The following SAMD12 variants were observed in gnomAD, a reference collection of about 807,000 sequenced individuals.
The protein encoded by SAMD12 is sterile alpha motif domain containing 12.
A neutral mutation model predicts 15.0 loss-of-function variants in SAMD12; 9 were observed. That is an observed-to-expected ratio of 0.60 (90% CI 0.36 to 1.05). The LOEUF is 1.05. SAMD12 is among the 50% of genes least tolerant of loss of function. The pLI is 0.01. For missense variants in SAMD12, 230 were observed against 234.2 expected, an observed-to-expected ratio of 0.98 and a Z score of 0.12; for synonymous variants, 86 against 90.1, an observed-to-expected ratio of 0.96 and a Z score of 0.25.
At chr8:118,551,952 A>G (rs1056903174) in intron 2 of SAMD12, among the ~76,000 whole-genome samples, 2 of 151,380 alleles carry the variant, frequency 1.3e-5, no homozygotes, top group African/African-American at 4.9e-5. Context: ...TCCTCGACAC[A>G]TACACTCTCC....
At chr8:118,441,108 G>GT (rs1554664100) in intron 2 of SAMD12, among the ~76,000 whole-genome samples, 3 of 151,986 alleles carry the variant, frequency 2.0e-5, no homozygotes, top group Non-Finnish European at 4.4e-5. Flanking sequence ...GCTGACATGT[G>GT]TGTTGTTGTT....
intron 2 of SAMD12, among the ~76,000 whole-genome samples, chr8:118,508,817 G>A (rs1187443765): frequency 1.3e-5 from 2 of 152,106 alleles, no homozygotes; most frequent in Admixed American, 6.6e-5. Flanking sequence ...GGATGAATGC[G>A]TTTTCTCAAC....
chr8:118,284,935 C>G (rs1813882982), intron 4 of SAMD12: 2 of 135,084 alleles, frequency 1.5e-5, no homozygotes, highest in African/African-American at 6.0e-5. Flanking sequence ...CAGCAAGACT[C>G]CGTCTCAAAA....
At chr8:118,289,895 T>G (rs1234890498) in intron 4 of SAMD12, among the ~76,000 whole-genome samples, 1 of 152,210 alleles carries the variant, frequency 6.6e-6, no homozygotes, top group Non-Finnish European at 1.5e-5. Context: ...CAAATGTAAC[T>G]AGATCAGAAA....
At chr8:118,597,135 G>A (rs1322086660) in intron 1 of SAMD12, among the ~76,000 whole-genome samples, 2 of 152,088 alleles carry the variant, frequency 1.3e-5, no homozygotes, top group Non-Finnish European at 2.9e-5. Context: ...AGGGTGGCAG[G>A]CTCCAGATCT....
intron 2 of SAMD12, among the ~76,000 whole-genome samples, chr8:118,511,134 G>A (rs1043170944): frequency 6.6e-6 from 1 of 152,116 alleles, no homozygotes; most frequent in Non-Finnish European, 1.5e-5. Context: ...GGATGTCAGT[G>A]CAATATATTC....
At chr8:118,177,427 A>G in the SAMD12 span, among the ~76,000 whole-genome samples, 6 of 151,652 alleles carry the variant, frequency 4.0e-5, no homozygotes, top group Admixed American at 3.9e-4. Context: ...AATCTTTTGT[A>G]GAGACAGGGT....
intron 2 of SAMD12, among the ~76,000 whole-genome samples, chr8:118,475,008 G>A (rs770811535): frequency 1.3e-5 from 2 of 152,130 alleles, no homozygotes; most frequent in Admixed American, 6.5e-5. Flanking sequence ...GGAGGCTGAG[G>A]TGGGCGGATC....
intron 2 of SAMD12, among the ~76,000 whole-genome samples, chr8:118,554,499 C>G (rs1826459645): frequency 7.2e-6 from 1 of 139,206 alleles, no homozygotes; most frequent in African/African-American, 2.8e-5. Context: ...CACATGGACA[C>G]AGGAAGGGGA....
At chr8:118,300,902 T>A (rs2130326492) in intron 4 of SAMD12, among the ~76,000 whole-genome samples, 1 of 152,350 alleles carries the variant, frequency 6.6e-6, no homozygotes, top group African/African-American at 2.4e-5. Context: ...AAACACATCT[T>A]ACCTATTTTA....
At chr8:118,409,367 C>A (rs1401946846) in intron 3 of SAMD12, among the ~76,000 whole-genome samples, 1 of 150,178 alleles carries the variant, frequency 6.7e-6, no homozygotes, top group African/African-American at 2.5e-5. Flanking sequence ...ATACTGAGTA[C>A]CTACTTGTGT....
intron 4 of SAMD12, among the ~76,000 whole-genome samples, chr8:118,206,617 T>C (rs1451116809): frequency 6.6e-6 from 1 of 152,234 alleles, no homozygotes; most frequent in Non-Finnish European, 1.5e-5. Context: ...ATTACACATA[T>C]TGTTACATAG....
At chr8:118,587,078 C>T (rs1199273335) in intron 1 of SAMD12, among the ~76,000 whole-genome samples, 2 of 152,202 alleles carry the variant, frequency 1.3e-5, no homozygotes, top group African/African-American at 4.8e-5. Flanking sequence ...GTTGTACATA[C>T]TCAACCCTCA....
chr8:118,341,190 C>T (rs970985525), intron 4 of SAMD12, among the ~76,000 whole-genome samples: 1 of 152,146 alleles, frequency 6.6e-6, no homozygotes, highest in African/African-American at 2.4e-5. Context: ...TTGGTCTTCT[C>T]ACAGCATGGT....
intron 2 of SAMD12, among the ~76,000 whole-genome samples, chr8:118,565,122 G>A (rs1826811035): frequency 6.6e-6 from 1 of 152,156 alleles, no homozygotes; most frequent in Non-Finnish European, 1.5e-5. Context: ...CTGGTGAAAA[G>A]CAAATATACC....
At chr8:118,318,287 A>T (rs1816022174) in intron 4 of SAMD12, among the ~76,000 whole-genome samples, 2 of 141,364 alleles carry the variant, frequency 1.4e-5, no homozygotes, top group South Asian at 4.4e-4. Flanking sequence ...TGAGTAGATT[A>T]AAAAAATATG....
chr8:118,401,910 G>A (rs927039794), intron 3 of SAMD12, among the ~76,000 whole-genome samples: 2 of 152,028 alleles, frequency 1.3e-5, no homozygotes, highest in African/African-American at 4.8e-5. Flanking sequence ...GTATCCACAC[G>A]ATTTTCAATC....
chr8:118,135,748 G>T, the SAMD12 span, among the ~76,000 whole-genome samples: 3 of 151,936 alleles, frequency 2.0e-5, no homozygotes, highest in South Asian at 6.2e-4. Context: ...TTGCCATGTT[G>T]CCCAGGCTGG....
In SAMD12 at chr8:118,356,741, C is replaced by G. The variant is rs139699765; in HGVS notation, c.433+22819G>C. ...TGGGTGTTTCAAAGGGACCTCAAAC[C>G]TCACATGTCTCAAACTGACCTCTCT... On this transcript the variant is annotated intron_variant, in intron 4 of 4. Transcript: ENST00000409003. Among the ~76,000 whole-genome samples, 761 of 152,206 alleles carry G rather than the reference C, an allele frequency of 5.0e-3. 8 individuals are homozygous for G. The highest frequency in any genetic ancestry group is 0.018 in the South Asian group (86 of 4,822).
Sources: gnomAD v4.1 joint callset for allele counts (sites outside exome capture counted in the v4.1 genomes callset) on GRCh38, gnomAD v4.1.1 for gene constraint, MANE v1.5 for transcripts, NCBI Gene and HGNC (gene_info 2026-07-23, HGNC 2026-07-21) for gene names.